LRFN2: variants seen among roughly 807,000 people sequenced by gnomAD.
The protein encoded by LRFN2 is leucine rich repeat and fibronectin type III domain containing 2.
LRFN2 carries 18 observed loss-of-function variants against 37.3 expected under a neutral mutation model. The observed-to-expected ratio is 0.48, with a 90% CI of 0.33 to 0.72. The LOEUF is 0.72. LRFN2 is among the 30% of genes least tolerant of loss of function. The probability of loss-of-function intolerance (pLI) is 0.02; values close to 1 mark genes in which losing one functional copy is unlikely to be tolerated. For missense variants in LRFN2, 1,006 were observed against 1,060.7 expected (o/e 0.95, Z 0.72); for synonymous variants, 556 against 466.6 (o/e 1.19, Z -2.47).
chr6:40,556,923 T>C lies in LRFN2; in HGVS notation c.-19+30018A>G, dbSNP rs79552143. Among the ~76,000 whole-genome samples, 801 of 152,204 alleles carry C rather than the reference T, an allele frequency of 5.3e-3. 9 individuals are homozygous for C. Among genetic ancestry groups the C allele is most frequent in the African/African-American group, 0.018 (763 of 41,538 alleles). ...AAATCCAGCTCAAGGCATCCTTTGA[T>C]TTTGTCTAATCCACATCACTTCAGA... On this transcript the variant is annotated intron_variant, in intron 1 of 2. Transcript: ENST00000338305.
chr6:40,429,142 C>T (rs1763420068), intron 2 of LRFN2, among the ~76,000 whole-genome samples: 1 of 152,124 alleles, frequency 6.6e-6, no homozygotes, highest in South Asian at 2.1e-4. Context: ...TCCAAGTTTT[C>T]TGATGTTTCC....
At chr6:40,553,179 G>A (rs1766808988) in intron 1 of LRFN2, among the ~76,000 whole-genome samples, 1 of 152,100 alleles carries the variant, frequency 6.6e-6, no homozygotes, top group Admixed American at 6.6e-5. Flanking sequence ...CACATCCCTG[G>A]GAGAAAGAAG....
intron 1 of LRFN2, among the ~76,000 whole-genome samples, chr6:40,585,079 G>A (rs1027603973): frequency 6.6e-6 from 1 of 152,118 alleles, no homozygotes; most frequent in Admixed American, 6.5e-5. Flanking sequence ...AGAAGAAGGA[G>A]CCCTGAACCC....
At chr6:40,497,987 C>T (rs1479900535) in intron 1 of LRFN2, among the ~76,000 whole-genome samples, 1 of 152,164 alleles carries the variant, frequency 6.6e-6, no homozygotes, top group African/African-American at 2.4e-5. Context: ...GAGAGAATCA[C>T]TTCTGGGGTG....
At chr6:40,444,580 T>C (rs1224765780) in intron 1 of LRFN2, among the ~76,000 whole-genome samples, 1 of 152,158 alleles carries the variant, frequency 6.6e-6, no homozygotes, top group East Asian at 1.9e-4. Context: ...TACAACCGGA[T>C]ACAGCAGGAA....
In LRFN2 at chr6:40,489,008, C is replaced by T. The variant is rs111278044; in HGVS notation, c.-18-55877G>A. 7.9e-3 allele frequency among the ~76,000 whole-genome samples: 1,202 copies of T among 152,310 alleles called. 19 individuals carry two copies. Among genetic ancestry groups the T allele is most frequent in the Middle Eastern group, 0.031 (9 of 294 alleles). ...TGCTTTCAAGGTGTTGGCGTAAAGA[C>T]TTCACATAGCAATAAGCACATAGCC... On this transcript the variant is annotated intron_variant, in intron 1 of 2. Transcript: ENST00000338305.
intron 1 of LRFN2, among the ~76,000 whole-genome samples, chr6:40,445,275 TA>T (rs1307676351): frequency 6.6e-6 from 1 of 152,358 alleles, no homozygotes; most frequent in Admixed American, 6.5e-5. Context: ...GCCGATTTTA[TA>T]AGTGGAGAAA....
At position 40,507,054 on chromosome 6, in the gene LRFN2, G is replaced by A. The variant is rs1004668652; in HGVS notation, c.-18-73923C>T. 8.5e-5 allele frequency among the ~76,000 whole-genome samples: 13 copies of A among 152,292 alleles called. 2 individuals are homozygous for A. In the South Asian group the frequency reaches 1.0e-3, roughly 12 times the overall value. On this transcript the variant is annotated intron_variant, in intron 1 of 2. Transcript: ENST00000338305. The stretch of plus-strand genomic sequence containing the variant: ...AGCATGGCAATGATGTCAGGTAATC[G>A]TGCTTAAATGGTATTGATTGTTTCC...
intron 2 of LRFN2, among the ~76,000 whole-genome samples, chr6:40,415,804 A>T (rs1047233527): frequency 1.3e-5 from 2 of 152,226 alleles, no homozygotes. Flanking sequence ...CGAATGACTA[A>T]AGGTAAAGGC....
At chr6:40,555,571 GA>G (rs1329983816) in intron 1 of LRFN2, among the ~76,000 whole-genome samples, 1 of 152,190 alleles carries the variant, frequency 6.6e-6, no homozygotes, top group Non-Finnish European at 1.5e-5. Context: ...GCAGGAGGAG[GA>G]GTCTGTGCCT....
intron 1 of LRFN2, among the ~76,000 whole-genome samples, chr6:40,513,471 T>C (rs141593738): frequency 6.6e-6 from 1 of 152,234 alleles, no homozygotes; most frequent in East Asian, 1.9e-4. Flanking sequence ...TCACGTCAAG[T>C]GATCCGCCCA....
At chr6:40,449,610 T>G (rs548698084) in intron 1 of LRFN2, among the ~76,000 whole-genome samples, 5 of 152,176 alleles carry the variant, frequency 3.3e-5, no homozygotes, top group Non-Finnish European at 7.3e-5. Flanking sequence ...TGCAAAACAA[T>G]AAGATGGAAG....
chr6:40,456,178 C>T (rs1433746373), intron 1 of LRFN2, among the ~76,000 whole-genome samples: 3 of 152,208 alleles, frequency 2.0e-5, no homozygotes, highest in Non-Finnish European at 4.4e-5. Flanking sequence ...TCCTTGACTT[C>T]AGCTGTGTGA....
At chr6:40,483,722 G>A (rs1764886046) in intron 1 of LRFN2, among the ~76,000 whole-genome samples, 1 of 152,286 alleles carries the variant, frequency 6.6e-6, no homozygotes, top group African/African-American at 2.4e-5. Context: ...TGAGAAGGGG[G>A]AAGGAAGATT....
intron 2 of LRFN2, among the ~76,000 whole-genome samples, chr6:40,406,198 C>T (rs761494752): frequency 2.0e-4 from 31 of 152,330 alleles, no homozygotes; most frequent in Admixed American, 5.9e-4. Context: ...ACAGCCCCGT[C>T]GCAGGGTTGC....
chr6:40,571,493 C>T (rs1264463260), intron 1 of LRFN2, among the ~76,000 whole-genome samples: 1 of 152,164 alleles, frequency 6.6e-6, no homozygotes, highest in African/African-American at 2.4e-5. Flanking sequence ...TTTCCCTAAC[C>T]CCCAGCAAAC....
intron 2 of LRFN2, among the ~76,000 whole-genome samples, chr6:40,427,080 T>C (rs80194974): frequency 6.6e-6 from 1 of 152,336 alleles, no homozygotes; most frequent in African/African-American, 2.4e-5. Context: ...ACTTGTGCAA[T>C]TGCAATTGAT....
At chr6:40,482,129 T>A (rs1211736597) in intron 1 of LRFN2, among the ~76,000 whole-genome samples, 2 of 152,150 alleles carry the variant, frequency 1.3e-5, no homozygotes, top group African/African-American at 4.8e-5. Context: ...TTTGTGTTAT[T>A]GTCAGTTGCC....
At chr6:40,474,208 T>C (rs1296659993) in intron 1 of LRFN2, among the ~76,000 whole-genome samples, 8 of 152,094 alleles carry the variant, frequency 5.3e-5, no homozygotes, top group African/African-American at 1.9e-4. Flanking sequence ...ACAACAGAGA[T>C]TTACCCTCTC....
Sources: allele counts gnomAD v4.1 joint callset (sites outside exome capture counted in the v4.1 genomes callset), GRCh38; gene constraint gnomAD v4.1.1; transcripts MANE v1.5; gene names NCBI Gene and HGNC (gene_info 2026-07-23, HGNC 2026-07-21).